The following CTIF variants were observed in gnomAD, a reference collection of about 807,000 sequenced individuals.
CTIF encodes CBP80/20-dependent translation initiation factor.
Under a neutral mutation model 66.0 loss-of-function variants are expected in CTIF, and 21 were observed. The observed-to-expected ratio is 0.32, with a 90% CI of 0.23 to 0.46. The LOEUF is 0.46. Among genes scored for constraint, CTIF ranks in the 20% least tolerant of loss-of-function variants. CTIF has a pLI of 1.00. For missense variants in CTIF, 739 were observed against 812.7 expected (o/e 0.91, Z 1.10); for synonymous variants, 345 against 326.4 (o/e 1.06, Z -0.62).
At chr18:48,776,329 A>T (rs1230692264) in intron 9 of CTIF, among the ~76,000 whole-genome samples, 1 of 152,186 alleles carries the variant, frequency 6.6e-6, no homozygotes, top group Non-Finnish European at 1.5e-5. Context: ...CCGCCCAACC[A>T]GGCACAGAGG....
intron 11 of CTIF, among the ~76,000 whole-genome samples, chr18:48,859,137 G>A (rs1455876710): frequency 6.6e-6 from 1 of 152,192 alleles, no homozygotes; most frequent in Non-Finnish European, 1.5e-5. Flanking sequence ...GGATCCTGCT[G>A]GCAGATTGGT....
At chr18:48,752,428 G>T (rs370011072) in intron 7 of CTIF, among the ~76,000 whole-genome samples, 1 of 152,158 alleles carries the variant, frequency 6.6e-6, no homozygotes, top group East Asian at 1.9e-4. Context: ...TCTCCAAAGA[G>T]CACTGAGATC....
intron 7 of CTIF, among the ~76,000 whole-genome samples, chr18:48,723,675 A>T (rs1253438311): frequency 1.3e-5 from 2 of 152,190 alleles, no homozygotes; most frequent in African/African-American, 4.8e-5. Context: ...AACCCAGAGC[A>T]TGAGGGTGCC....
At chr18:48,639,779 C>G (rs2090892720) in intron 3 of CTIF, among the ~76,000 whole-genome samples, 1 of 152,184 alleles carries the variant, frequency 6.6e-6, no homozygotes, top group African/African-American at 2.4e-5. Context: ...CTTCTCACTG[C>G]TCTACCCTCT....
chr18:48,657,111 TCCCAAAGGGGGTTCCATGGAA>T (rs1460741833), intron 3 of CTIF, among the ~76,000 whole-genome samples: 1 of 152,150 alleles, frequency 6.6e-6, no homozygotes, highest in Non-Finnish European at 1.5e-5. Context: ...GCTGAGTATT[TCCCAAAGGGGGTTCCATGGAA>T]CCCTAGTCCT....
At chr18:48,606,878 A>G (rs997391002) in intron 1 of CTIF, among the ~76,000 whole-genome samples, 2 of 152,204 alleles carry the variant, frequency 1.3e-5, no homozygotes, top group African/African-American at 2.4e-5. Flanking sequence ...ACATTATAGG[A>G]TGATCTTGAG....
At chr18:48,767,712 A>G (rs761280621) in intron 9 of CTIF, among the ~76,000 whole-genome samples, 19 of 152,236 alleles carry the variant, frequency 1.2e-4, no homozygotes, top group Non-Finnish European at 2.6e-4. Context: ...CCAGATTTCA[A>G]AATAAATTGC....
At chr18:48,577,119 A>G (rs1244257711) in intron 1 of CTIF, among the ~76,000 whole-genome samples, 4 of 152,142 alleles carry the variant, frequency 2.6e-5, no homozygotes, top group Non-Finnish European at 5.9e-5. Flanking sequence ...AAAATCACAA[A>G]CAGAAATTGT....
chr18:48,713,606 C>T (rs1820312011), intron 7 of CTIF, among the ~76,000 whole-genome samples: 2 of 152,112 alleles, frequency 1.3e-5, no homozygotes, highest in South Asian at 4.2e-4. Context: ...CAAAGTGAGG[C>T]AATAAAGATG....
At chr18:48,632,611 A>G (rs2090739583) in intron 2 of CTIF, among the ~76,000 whole-genome samples, 1 of 152,040 alleles carries the variant, frequency 6.6e-6, no homozygotes, top group Admixed American at 6.5e-5. Flanking sequence ...CTGCATATGG[A>G]GGAAGTGTCT....
chr18:48,639,075 A>T (rs1396542543), intron 3 of CTIF, among the ~76,000 whole-genome samples: 1 of 152,192 alleles, frequency 6.6e-6, no homozygotes, highest in Non-Finnish European at 1.5e-5. Context: ...TGCCACAGAC[A>T]TGTGTGCCTG....
chr18:48,649,973 G>A (rs1379866232), intron 3 of CTIF, among the ~76,000 whole-genome samples: 2 of 152,180 alleles, frequency 1.3e-5, no homozygotes, highest in Non-Finnish European at 2.9e-5. Flanking sequence ...CCATCTGTAG[G>A]TCACCAACGT....
chr18:48,573,502 T>G (rs1193846085), intron 1 of CTIF, among the ~76,000 whole-genome samples: 1 of 152,228 alleles, frequency 6.6e-6, no homozygotes, highest in Non-Finnish European at 1.5e-5. Context: ...TGTGTACATT[T>G]TAAAAACATA....
chr18:48,592,116 C>A (rs2089898195), intron 1 of CTIF, among the ~76,000 whole-genome samples: 1 of 152,108 alleles, frequency 6.6e-6, no homozygotes, highest in Non-Finnish European at 1.5e-5. Context: ...CAGTTCTCAC[C>A]CTTGACCCAA....
intron 4 of CTIF, 78 bp from the exon 5 acceptor site, chr18:48,664,369 C>T: frequency 7.7e-7 from 1 of 1,291,444 alleles, no homozygotes; most frequent in Non-Finnish European, 1.1e-6. Flanking sequence ...CTGCCAGGTT[C>T]AGCCTGGCCC....
intron 2 of CTIF, among the ~76,000 whole-genome samples, chr18:48,629,653 T>G (rs1298778589): frequency 6.7e-6 from 1 of 150,124 alleles, no homozygotes; most frequent in Non-Finnish European, 1.5e-5. Flanking sequence ...AAAAAAAAAT[T>G]GGCTGTGATC....
At chr18:48,749,436 C>T (rs956489982) in intron 7 of CTIF, among the ~76,000 whole-genome samples, 3 of 152,136 alleles carry the variant, frequency 2.0e-5, no homozygotes, top group African/African-American at 7.2e-5. Flanking sequence ...GCCCTTAGAG[C>T]CCAAAATCAG....
At chr18:48,644,260 C>T (rs907919553) in intron 3 of CTIF, among the ~76,000 whole-genome samples, 2 of 152,100 alleles carry the variant, frequency 1.3e-5, no homozygotes, top group Admixed American at 6.6e-5. Flanking sequence ...TGCTGTACTC[C>T]AGGTTGGGCA....
chr18:48,778,476 A>G (rs1466260799), intron 9 of CTIF, among the ~76,000 whole-genome samples: 2 of 152,194 alleles, frequency 1.3e-5, no homozygotes, highest in Non-Finnish European at 2.9e-5. Context: ...TCCCTGGTCT[A>G]TCTTCATCGA....
Sources: gnomAD v4.1 joint callset for allele counts (sites outside exome capture counted in the v4.1 genomes callset) on GRCh38, gnomAD v4.1.1 for gene constraint, MANE v1.5 for transcripts, NCBI Gene and HGNC (gene_info 2026-07-23, HGNC 2026-07-21) for gene names.